The following PLXDC2 variants were observed in gnomAD, a reference collection of about 807,000 sequenced individuals.
PLXDC2 encodes the protein plexin domain-containing protein 2.
In PLXDC2, 40 loss-of-function variants were observed where a neutral mutation model predicts 68.9. The observed-to-expected ratio is 0.58, with a 90% CI of 0.45 to 0.76. PLXDC2 has a LOEUF of 0.76. PLXDC2 is among the 30% of genes least tolerant of loss of function. The probability of loss-of-function intolerance (pLI) is 0.00; values close to 1 mark genes in which losing one functional copy is unlikely to be tolerated. For synonymous variants in PLXDC2, 243 were observed against 234.2 expected, an observed-to-expected ratio of 1.04 and a Z score of -0.34; for missense variants, 644 against 661.9, an observed-to-expected ratio of 0.97 and a Z score of 0.30.
chr10:20,120,558 A>C (rs1022488837), intron 4 of PLXDC2, among the ~76,000 whole-genome samples: 10 of 152,174 alleles, frequency 6.6e-5, no homozygotes, highest in Non-Finnish European at 1.3e-4. Flanking sequence ...AGAAGGGAAG[A>C]AATGACTGCG....
chr10:19,864,060 G>A (rs1837369579), intron 1 of PLXDC2, among the ~76,000 whole-genome samples: 1 of 152,174 alleles, frequency 6.6e-6, no homozygotes, highest in South Asian at 2.1e-4. Context: ...TGTTGCTCAG[G>A]CTGGAGTGCA....
intron 4 of PLXDC2, among the ~76,000 whole-genome samples, chr10:20,093,065 A>G (rs1833300880): frequency 6.6e-6 from 1 of 152,198 alleles, no homozygotes; most frequent in East Asian, 1.9e-4. Flanking sequence ...AATTTGTTAC[A>G]GCAGCTACGG....
chr10:20,109,234 T>C (rs183224062), intron 4 of PLXDC2, among the ~76,000 whole-genome samples: 128 of 152,358 alleles, frequency 8.4e-4, no homozygotes, highest in African/African-American at 3.0e-3. Context: ...CACCCTCTTG[T>C]TGCCAGGAGG....
chr10:20,145,529 A>T (rs1284852732), intron 5 of PLXDC2, among the ~76,000 whole-genome samples: 1 of 152,166 alleles, frequency 6.6e-6, no homozygotes, highest in African/African-American at 2.4e-5. Context: ...AAAACTTAAC[A>T]TGTGCAAACA....
intron 10 of PLXDC2, among the ~76,000 whole-genome samples, chr10:20,215,653 G>A (rs1295995449): frequency 6.6e-6 from 1 of 152,064 alleles, no homozygotes; most frequent in Non-Finnish European, 1.5e-5. Context: ...TGTGAAGGTG[G>A]GCTGAGTTGA....
chr10:19,857,655 C>T (rs1482179172), intron 1 of PLXDC2, among the ~76,000 whole-genome samples: 1 of 152,152 alleles, frequency 6.6e-6, no homozygotes, highest in African/African-American at 2.4e-5. Flanking sequence ...TTTGAAGAAG[C>T]AAATTGCATC....
At chr10:20,102,342 T>C (rs975298381) in intron 4 of PLXDC2, among the ~76,000 whole-genome samples, 2 of 152,196 alleles carry the variant, frequency 1.3e-5, no homozygotes, top group Admixed American at 6.5e-5. Flanking sequence ...ATTTGCATAA[T>C]TATCGTTATC....
chr10:20,195,801 G>A (rs1834829392), intron 9 of PLXDC2, among the ~76,000 whole-genome samples: 1 of 152,084 alleles, frequency 6.6e-6, no homozygotes, highest in East Asian at 1.9e-4. Context: ...ATTCATGGTT[G>A]ATGTTCCCGA....
rs116295508 is a variant in PLXDC2, at chr10:19,980,439, G to A, written c.113-21336G>A. ...AGACTGGGTGGCATAAACAACAGAC[G>A]TGTATTTCAGTACAGTTCTGAAGGC... On this transcript the variant is annotated intron_variant, in intron 1 of 13. Transcript: ENST00000377252. Among the ~76,000 whole-genome samples the A allele has an allele frequency of 2.9e-3, 434 of 152,278 alleles. 2 individuals are homozygous for A. The highest frequency in any genetic ancestry group is 9.9e-3 in the African/African-American group (411 of 41,560).
chr10:20,226,536 G>T (rs554121659), intron 12 of PLXDC2, among the ~76,000 whole-genome samples: 1 of 152,176 alleles, frequency 6.6e-6, no homozygotes, highest in Non-Finnish European at 1.5e-5. Flanking sequence ...TTGCAATTTC[G>T]TTGTTCAGCC....
chr10:20,082,049 AAAAAAAAAAAAAATC>A (rs1046441776), intron 4 of PLXDC2, among the ~76,000 whole-genome samples: 1 of 141,746 alleles, frequency 7.1e-6, no homozygotes, highest in Non-Finnish European at 1.5e-5. Flanking sequence ...CCATCTGAAA[AAAAAAAAAAAAAATC>A]AAAAAAAAAA....
intron 1 of PLXDC2, among the ~76,000 whole-genome samples, chr10:19,930,339 T>G (rs10764178): frequency 6.6e-6 from 1 of 152,096 alleles, no homozygotes; most frequent in African/African-American, 2.4e-5. Flanking sequence ...AACAGCCGGG[T>G]TGGTTTTTTC....
intron 13 of PLXDC2, among the ~76,000 whole-genome samples, chr10:20,273,059 A>G (rs1337021702): frequency 6.6e-6 from 1 of 152,236 alleles, no homozygotes; most frequent in Admixed American, 6.5e-5. Flanking sequence ...TTAAAATAGT[A>G]GATTCTAAAC....
intron 10 of PLXDC2, among the ~76,000 whole-genome samples, chr10:20,216,296 A>C (rs112242430): frequency 7.9e-5 from 12 of 152,230 alleles, no homozygotes; most frequent in African/African-American, 2.4e-4. Flanking sequence ...TGAGCTTATG[A>C]TTTCAGATCT....
At chr10:20,014,899 T>C (rs72791832) in intron 2 of PLXDC2, among the ~76,000 whole-genome samples, 9,949 of 152,246 alleles carry the variant, frequency 0.065, 391 homozygotes, top group Middle Eastern at 0.13. Context: ...CATTTTTTTT[T>C]TCCAGTTAGT....
intron 7 of PLXDC2, among the ~76,000 whole-genome samples, chr10:20,171,763 T>C (rs1463038627): frequency 6.6e-6 from 1 of 152,188 alleles, no homozygotes; most frequent in African/African-American, 2.4e-5. Flanking sequence ...TTTTGATTTA[T>C]TAACATTTAA....
At chr10:19,901,018 T>C (rs939374279) in intron 1 of PLXDC2, among the ~76,000 whole-genome samples, 2 of 150,128 alleles carry the variant, frequency 1.3e-5, no homozygotes, top group African/African-American at 4.9e-5. Flanking sequence ...TGTGTGTGTA[T>C]TCATACATAT....
intron 1 of PLXDC2, among the ~76,000 whole-genome samples, chr10:19,885,437 G>T (rs1173701819): frequency 6.6e-6 from 1 of 152,168 alleles, no homozygotes; most frequent in Non-Finnish European, 1.5e-5. Flanking sequence ...CCGTGCCTAT[G>T]TCCTGAATGA....
At chr10:20,007,588 T>A (rs948257909) in intron 2 of PLXDC2, among the ~76,000 whole-genome samples, 10 of 152,234 alleles carry the variant, frequency 6.6e-5, no homozygotes, top group Non-Finnish European at 1.5e-4. Context: ...TGGATCATAT[T>A]AGTACAGTTT....
Sources: allele counts gnomAD v4.1 joint callset (sites outside exome capture counted in the v4.1 genomes callset), GRCh38; gene constraint gnomAD v4.1.1; transcripts MANE v1.5; gene names NCBI Gene and HGNC (gene_info 2026-07-23, HGNC 2026-07-21).